The following LRBA variants were observed in gnomAD, a reference collection of about 807,000 sequenced individuals.
LRBA encodes the protein LPS responsive beige-like anchor protein, also known as lipopolysaccharide-responsive and beige-like anchor protein.
In LRBA, 176 loss-of-function variants were observed where a neutral mutation model predicts 330.0. The ratio of observed to expected loss-of-function variants is 0.53; its 90% CI spans 0.47 to 0.60. The LOEUF is 0.60. LRBA is among the 20% of genes least tolerant of loss of function. The pLI is 0.00. For missense variants in LRBA, 3,259 were observed against 3,444.8 expected, an observed-to-expected ratio of 0.95 and a Z score of 1.35; for synonymous variants, 1,230 against 1,193.0, an observed-to-expected ratio of 1.03 and a Z score of -0.64.
chr4:150,328,298 C>T (rs1434794527), intron 48 of LRBA, among the ~76,000 whole-genome samples: 2 of 151,990 alleles, frequency 1.3e-5, no homozygotes, highest in Admixed American at 6.6e-5. Context: ...TTATCTAGGT[C>T]AGTATGTCCA....
intron 2 of LRBA, among the ~76,000 whole-genome samples, chr4:150,960,345 G>A (rs1738008642): frequency 2.7e-5 from 4 of 148,342 alleles, no homozygotes; most frequent in East Asian, 1.9e-4. Flanking sequence ...CAGGAAATAC[G>A]GAGGACACAA....
At chr4:150,493,823 C>G (rs1192890392) in intron 40 of LRBA, among the ~76,000 whole-genome samples, 1 of 152,110 alleles carries the variant, frequency 6.6e-6, no homozygotes, top group Non-Finnish European at 1.5e-5. Flanking sequence ...AAAACAAGAG[C>G]CAGGGCCAGT....
At chr4:150,828,922 G>GGGTGGGT (rs1491558415) in intron 29 of LRBA, among the ~76,000 whole-genome samples, 1 of 106,176 alleles carries the variant, frequency 9.4e-6, no homozygotes, top group Non-Finnish European at 1.9e-5. Flanking sequence ...CTTTTTTGGG[G>GGGTGGGT]GTGTGTGTGT....
intron 37 of LRBA, among the ~76,000 whole-genome samples, chr4:150,627,077 A>G (rs1326959262): frequency 1.3e-5 from 2 of 152,092 alleles, no homozygotes; most frequent in East Asian, 3.9e-4. Context: ...TATGCTCAAC[A>G]TCTCATATTA....
chr4:150,680,047 C>A (rs751657836), intron 37 of LRBA, among the ~76,000 whole-genome samples: 2 of 152,150 alleles, frequency 1.3e-5, no homozygotes, highest in Non-Finnish European at 2.9e-5. Flanking sequence ...GATGATTTGT[C>A]TCCTGACCCA....
chr4:150,380,657 CTTGT>C (rs1400837927), intron 47 of LRBA, among the ~76,000 whole-genome samples: 4 of 152,048 alleles, frequency 2.6e-5, no homozygotes, highest in Admixed American at 6.5e-5. Context: ...ATTATTTTCT[CTTGT>C]TTATTTTTCT....
At chr4:150,423,849 C>T (rs1279749862) in intron 46 of LRBA, among the ~76,000 whole-genome samples, 1 of 151,998 alleles carries the variant, frequency 6.6e-6, no homozygotes, top group East Asian at 1.9e-4. Flanking sequence ...CCCCACCGCC[C>T]GAGAATACAG....
chr4:150,395,272 G>A (rs532898203), intron 47 of LRBA, among the ~76,000 whole-genome samples: 1 of 151,958 alleles, frequency 6.6e-6, no homozygotes, highest in African/African-American at 2.4e-5. Flanking sequence ...CTTCCTCAAA[G>A]AACTTATCTT....
chr4:150,784,434 C>A (rs935000260), intron 34 of LRBA, among the ~76,000 whole-genome samples: 1 of 152,210 alleles, frequency 6.6e-6, no homozygotes, highest in Non-Finnish European at 1.5e-5. Context: ...CCTTGCCCCA[C>A]ATGATCCTGG....
chr4:150,575,001 C>T (rs936361234), intron 40 of LRBA, among the ~76,000 whole-genome samples: 1 of 151,838 alleles, frequency 6.6e-6, no homozygotes, highest in African/African-American at 2.4e-5. Flanking sequence ...GTACTAACCT[C>T]GATTTTAAAC....
chr4:150,324,521 G>C (rs1732980309), intron 49 of LRBA, among the ~76,000 whole-genome samples: 1 of 149,982 alleles, frequency 6.7e-6, no homozygotes, highest in Non-Finnish European at 1.5e-5. Flanking sequence ...AGATAAAGAA[G>C]GAGAAAAAAT....
intron 34 of LRBA, among the ~76,000 whole-genome samples, chr4:150,786,479 G>T (rs1430928433): frequency 6.6e-6 from 1 of 151,956 alleles, no homozygotes; most frequent in African/African-American, 2.4e-5. Flanking sequence ...CCTGACCTCA[G>T]ATGATCCACC....
At chr4:150,380,574 TA>T (rs879741224) in intron 47 of LRBA, among the ~76,000 whole-genome samples, 188 of 138,796 alleles carry the variant, frequency 1.4e-3, no homozygotes, top group East Asian at 5.3e-3. Flanking sequence ...AATTACTGAC[TA>T]AAAAAAAAAA....
intron 2 of LRBA, among the ~76,000 whole-genome samples, chr4:150,976,414 C>T (rs1740179469): frequency 6.6e-6 from 1 of 152,082 alleles, no homozygotes; most frequent in Non-Finnish European, 1.5e-5. Context: ...AAATGATTTC[C>T]AAACAGTTGA....
At chr4:150,485,583 G>GGAAA (rs1348500991) in intron 42 of LRBA, among the ~76,000 whole-genome samples, 1 of 151,790 alleles carries the variant, frequency 6.6e-6, no homozygotes, top group African/African-American at 2.4e-5. Context: ...ATACACAGGG[G>GGAAA]GAAAACAATG....
In LRBA at chr4:150,727,336, A is replaced by C. The variant is rs560038537; in HGVS notation, c.5754+7922T>G. ...TGATCCACCTGCCTCAGCCTCCCAA[A>C]GTGCTGGGATTACAGGTGTGACCCA... On this transcript the variant is annotated intron_variant, in intron 36 of 56. Transcript: ENST00000651943. Among the ~76,000 whole-genome samples the C allele has an allele frequency of 2.2e-4, 34 of 152,206 alleles. 1 individual carries two copies. Among genetic ancestry groups the C allele is most frequent in the Middle Eastern group, 6.8e-3 (2 of 294 alleles).
chr4:150,503,750 T>G (rs940540310), intron 40 of LRBA, among the ~76,000 whole-genome samples: 1 of 152,066 alleles, frequency 6.6e-6, no homozygotes, highest in Non-Finnish European at 1.5e-5. Flanking sequence ...GAGAATGACT[T>G]TGACGAGTTG....
chr4:150,430,788 C>T (rs1190943550), intron 46 of LRBA, among the ~76,000 whole-genome samples: 3 of 152,080 alleles, frequency 2.0e-5, no homozygotes, highest in African/African-American at 7.2e-5. Flanking sequence ...CGTTTCAGAT[C>T]CATTTACTAC....
intron 31 of LRBA, among the ~76,000 whole-genome samples, chr4:150,809,562 T>C (rs543913134): frequency 2.4e-4 from 36 of 152,148 alleles, no homozygotes; most frequent in Non-Finnish European, 4.0e-4. Flanking sequence ...AAAAAAAGAA[T>C]TGCCATTTTT....
Sources: gnomAD v4.1 joint callset for allele counts (sites outside exome capture counted in the v4.1 genomes callset) on GRCh38, gnomAD v4.1.1 for gene constraint, MANE v1.5 for transcripts, NCBI Gene and HGNC (gene_info 2026-07-23, HGNC 2026-07-21) for gene names.